KIF20B: variants seen among roughly 807,000 people sequenced by gnomAD.
KIF20B encodes kinesin-like protein KIF20B.
In KIF20B, 188 loss-of-function variants were observed where a neutral mutation model predicts 232.5. The observed-to-expected ratio is 0.81, with a 90% CI of 0.72 to 0.91. The LOEUF (loss-of-function observed/expected upper bound fraction) is 0.91. Ranked by LOEUF, KIF20B falls within the 40% of genes least tolerant of loss-of-function variation. The pLI is 0.00. For synonymous variants in KIF20B, 712 were observed against 683.0 expected (o/e 1.04, Z -0.66); for missense variants, 2,154 against 2,055.9 (o/e 1.05, Z -0.92).
At chr10:89,762,874 C>A in intron 29 of KIF20B, 39 bp downstream of exon 29, 1 of 1,421,770 alleles carries the variant, frequency 7.0e-7, no homozygotes. Context: ...ATGAACAAAT[C>A]TTATTATAAA....
chr10:89,742,091 A>G (rs1049683133), intron 21 of KIF20B, among the ~76,000 whole-genome samples: 3 of 152,216 alleles, frequency 2.0e-5, no homozygotes, highest in Non-Finnish European at 2.9e-5. Flanking sequence ...GCTAAGATCT[A>G]TGGTAAGAAC....
intron 1 of KIF20B, among the ~76,000 whole-genome samples, chr10:89,703,532 T>C (rs115399740): frequency 0.017 from 2,556 of 152,212 alleles, 89 homozygotes; most frequent in African/African-American, 0.058. Flanking sequence ...TAAATGATGT[T>C]GCACAGTGGA....
chr10:89,723,387 T>C (rs1200886436), intron 13 of KIF20B, among the ~76,000 whole-genome samples: 1 of 152,242 alleles, frequency 6.6e-6, no homozygotes, highest in African/African-American at 2.4e-5. Context: ...ATTATGTATG[T>C]GTTTCAAAGG....
intron 26 of KIF20B, among the ~76,000 whole-genome samples, chr10:89,755,942 CT>C (rs568598438): frequency 6.6e-6 from 1 of 152,116 alleles, no homozygotes; most frequent in Non-Finnish European, 1.5e-5. Context: ...AGTTTTTCCA[CT>C]TTTTTTCTTC....
chr10:89,743,759 G>T (rs1271651780), intron 21 of KIF20B, 49 bp from the exon 22 acceptor site: 6 of 1,214,518 alleles, frequency 4.9e-6, no homozygotes, highest in Non-Finnish European at 6.8e-6. Flanking sequence ...ACAAAAAGCA[G>T]TTAGTATTTT....
chr10:89,728,432 A>C (rs1050391768), intron 17 of KIF20B, among the ~76,000 whole-genome samples: 3 of 152,200 alleles, frequency 2.0e-5, no homozygotes, highest in African/African-American at 7.2e-5. Flanking sequence ...TACTCCTTCA[A>C]GTGCTTTTTA....
chr10:89,719,824 CTT>C (rs1843013034), intron 13 of KIF20B, 118 bp downstream of exon 13: 1 of 776,352 alleles, frequency 1.3e-6, no homozygotes, highest in Non-Finnish European at 2.0e-6. Flanking sequence ...TTGTGTTCAA[CTT>C]TATATTTTGA....
intron 26 of KIF20B, among the ~76,000 whole-genome samples, chr10:89,757,100 A>C (rs1260270215): frequency 6.8e-6 from 1 of 147,514 alleles, no homozygotes; most frequent in East Asian, 2.0e-4. Context: ...ATGATAGGGT[A>C]TATATATGTG....
chr10:89,703,836 T>C (rs1446967100), intron 1 of KIF20B, among the ~76,000 whole-genome samples: 2 of 151,502 alleles, frequency 1.3e-5, no homozygotes, highest in African/African-American at 4.9e-5. Context: ...CACTGCAGCC[T>C]CTGCCTCCTG....
At chr10:89,755,358 A>G (rs1319526868) in intron 26 of KIF20B, among the ~76,000 whole-genome samples, 3 of 151,434 alleles carry the variant, frequency 2.0e-5, no homozygotes, top group Non-Finnish European at 4.4e-5. Flanking sequence ...ATAAAAACTG[A>G]AAGATTTCCT....
intron 3 of KIF20B, 28 bp downstream of exon 3, chr10:89,709,281 A>G (rs1842789653): frequency 6.3e-7 from 1 of 1,590,276 alleles, no homozygotes; most frequent in Non-Finnish European, 8.6e-7. Flanking sequence ...TAGAATTTTA[A>G]TATTTTACTT....
At chr10:89,769,700 C>G (rs7096826) in intron 31 of KIF20B, among the ~76,000 whole-genome samples, 1 of 151,452 alleles carries the variant, frequency 6.6e-6, no homozygotes, top group Non-Finnish European at 1.5e-5. Context: ...TGCACATATG[C>G]GGAAGGAATG....
At position 89,754,687 on chromosome 10, in the gene KIF20B, G is replaced by A; in HGVS notation, c.4503+14G>A. 5 of 1,503,236 alleles carry A rather than the reference G, an allele frequency of 3.3e-6. No homozygotes were observed. The highest frequency in any genetic ancestry group is 1.4e-5 in the South Asian group (1 of 69,814). 93.1% of individuals were successfully genotyped at this position (1,503,236 alleles called of 1,614,324 possible). ...CAGAATGAAATGGTTAGTAACAATT[G>A]TATCTTTGATGTATTTCACCTACTT... is the stretch of plus-strand genomic sequence containing the variant. On this transcript the variant is annotated intron_variant, in intron 26 of 32. Transcript: ENST00000371728.
At chr10:89,725,526 C>T (rs564052517) in intron 15 of KIF20B, among the ~76,000 whole-genome samples, 35 of 152,204 alleles carry the variant, frequency 2.3e-4, no homozygotes, top group African/African-American at 7.9e-4. Context: ...CTGATTAAAA[C>T]AAAAATGTTT....
At chr10:89,772,470 T>G (rs985726550) in intron 31 of KIF20B, among the ~76,000 whole-genome samples, 4 of 152,054 alleles carry the variant, frequency 2.6e-5, no homozygotes, top group Non-Finnish European at 5.9e-5. Flanking sequence ...ATTTGCTTTT[T>G]TTTTGCTGTC....
At chr10:89,756,945 G>C (rs1209585463) in intron 26 of KIF20B, among the ~76,000 whole-genome samples, 1 of 149,520 alleles carries the variant, frequency 6.7e-6, no homozygotes, top group African/African-American at 2.5e-5. Context: ...TTGTTTTCTG[G>C]TTTTGGCTGT....
intron 29 of KIF20B, among the ~76,000 whole-genome samples, chr10:89,764,817 T>C (rs1377550307): frequency 6.6e-6 from 1 of 152,112 alleles, no homozygotes; most frequent in Non-Finnish European, 1.5e-5. Flanking sequence ...GATGAGTAGG[T>C]TGCGAAAATT....
At chr10:89,738,726 TATG>T in intron 20 of KIF20B, 109 bp downstream of exon 20, 1 of 1,332,060 alleles carries the variant, frequency 7.5e-7, no homozygotes, top group Non-Finnish European at 9.9e-7. Flanking sequence ...GCGTAGCATG[TATG>T]ATGAGTGAAG....
chr10:89,738,526 A>G lies in KIF20B; in HGVS notation c.3685A>G (p.Ile1229Val), dbSNP rs1235951315. Reference protein sequence around the residue: ...NVKELKLKEEITQLTNNLQDM... With the variant: ...NVKELKLKEEVTQLTNNLQDM... ...AAAGGAACTCAAGCTGAAAGAAGAA[A>G]TCACACAGTTAACAAATAATTTGCA... Residue 1229 changes from isoleucine (I) to valine (V), a missense_variant, in exon 20 of 33, where the codon ATC becomes GTC. Physicochemically the swap from Ile to Val is conservative, Grantham distance 29 (BLOSUM62 3). Transcript: ENST00000371728. 4 of 1,601,970 alleles carry G rather than the reference A, an allele frequency of 2.5e-6. No homozygotes were observed. The highest frequency in any genetic ancestry group is 1.7e-5 in the Admixed American group (1 of 58,162).
Sources: gnomAD v4.1 joint callset for allele counts (sites outside exome capture counted in the v4.1 genomes callset) on GRCh38, gnomAD v4.1.1 for gene constraint, MANE v1.5 for transcripts, NCBI Gene and HGNC (gene_info 2026-07-23, HGNC 2026-07-21) for gene names.